CAMK2D: variants seen among roughly 807,000 people sequenced by gnomAD.
CAMK2D encodes the protein calcium/calmodulin-dependent protein kinase type II subunit delta.
CAMK2D carries 37 observed loss-of-function variants against 84.0 expected under a neutral mutation model. That is an observed-to-expected ratio of 0.44 (90% CI 0.34 to 0.58). The LOEUF (loss-of-function observed/expected upper bound fraction) is 0.58. Ranked by LOEUF, CAMK2D falls within the 20% of genes least tolerant of loss-of-function variation. The probability of loss-of-function intolerance (pLI) is 0.02; values close to 1 mark genes in which losing one functional copy is unlikely to be tolerated. For missense variants in CAMK2D, 448 were observed against 652.5 expected, an observed-to-expected ratio of 0.69 and a Z score of 3.41; for synonymous variants, 202 against 212.5, an observed-to-expected ratio of 0.95 and a Z score of 0.43.
intron 13 of CAMK2D, among the ~76,000 whole-genome samples, chr4:113,508,752 A>G (rs1048208705): frequency 5.3e-5 from 8 of 152,226 alleles, no homozygotes; most frequent in Admixed American, 3.9e-4. Context: ...GAGCATGAAC[A>G]TTTAAAGTGA....
At chr4:113,731,894 T>C (rs1049448474) in intron 2 of CAMK2D, among the ~76,000 whole-genome samples, 1 of 152,122 alleles carries the variant, frequency 6.6e-6, no homozygotes, top group Non-Finnish European at 1.5e-5. Flanking sequence ...TATTGCTCTT[T>C]TTATATGGCC....
At chr4:113,630,711 A>G (rs912097693) in intron 3 of CAMK2D, among the ~76,000 whole-genome samples, 6 of 152,148 alleles carry the variant, frequency 3.9e-5, no homozygotes, top group Non-Finnish European at 7.4e-5. Context: ...ATTCACTGAG[A>G]AAAATGGAAA....
At chr4:113,661,542 A>T (rs2099232033) in intron 3 of CAMK2D, among the ~76,000 whole-genome samples, 171 bp downstream of exon 3, 1 of 152,186 alleles carries the variant, frequency 6.6e-6, no homozygotes, top group African/African-American at 2.4e-5. Context: ...CAAAAAACAA[A>T]CAGCAAACAC....
intron 14 of CAMK2D, among the ~76,000 whole-genome samples, chr4:113,504,391 T>A (rs1007223634): frequency 6.6e-6 from 1 of 152,190 alleles, no homozygotes; most frequent in Non-Finnish European, 1.5e-5. Flanking sequence ...ATTCTTTGGA[T>A]TAAAGTGAAA....
At chr4:113,607,122 A>C (rs2098981058) in intron 4 of CAMK2D, among the ~76,000 whole-genome samples, 1 of 152,102 alleles carries the variant, frequency 6.6e-6, no homozygotes, top group African/African-American at 2.4e-5. Flanking sequence ...TCCTAAAAGA[A>C]TGGCTAAAGA....
chr4:113,679,748 T>C (rs2099334688), intron 2 of CAMK2D, among the ~76,000 whole-genome samples: 1 of 152,188 alleles, frequency 6.6e-6, no homozygotes. Flanking sequence ...GCATACAACT[T>C]ACTTTATCAG....
chr4:113,649,528 G>A (rs1292532947), intron 3 of CAMK2D, among the ~76,000 whole-genome samples: 1 of 152,046 alleles, frequency 6.6e-6, no homozygotes, highest in Admixed American at 6.6e-5. Context: ...ACAACTTTAT[G>A]GCAAAATTCT....
intron 2 of CAMK2D, among the ~76,000 whole-genome samples, chr4:113,707,398 A>G (rs1200637777): frequency 6.6e-6 from 1 of 152,198 alleles, no homozygotes; most frequent in Non-Finnish European, 1.5e-5. Flanking sequence ...TGTTCTAGAA[A>G]TATATGGGTT....
chr4:113,507,279 T>G (rs2098140676), intron 13 of CAMK2D, among the ~76,000 whole-genome samples: 1 of 152,052 alleles, frequency 6.6e-6, no homozygotes, highest in Admixed American at 6.6e-5. Context: ...AGATGGAGTT[T>G]CGCTCTTGTT....
At chr4:113,495,894 T>C (rs1192184214) in intron 16 of CAMK2D, among the ~76,000 whole-genome samples, 2 of 152,012 alleles carry the variant, frequency 1.3e-5, no homozygotes, top group African/African-American at 4.8e-5. Flanking sequence ...GTGACAGAAA[T>C]GACACAAGGG....
At chr4:113,562,698 T>C (rs1180696180) in intron 4 of CAMK2D, among the ~76,000 whole-genome samples, 1 of 152,266 alleles carries the variant, frequency 6.6e-6, no homozygotes, top group Non-Finnish European at 1.5e-5. Context: ...ATGTGCTTGA[T>C]TTTAATAATC....
At chr4:113,616,359 C>A (rs2099021120) in intron 3 of CAMK2D, among the ~76,000 whole-genome samples, 1 of 152,104 alleles carries the variant, frequency 6.6e-6, no homozygotes, top group Non-Finnish European at 1.5e-5. Flanking sequence ...CATCCTTATT[C>A]CCAAATCCTC....
intron 4 of CAMK2D, among the ~76,000 whole-genome samples, chr4:113,585,502 T>C (rs910702771): frequency 6.6e-6 from 1 of 152,172 alleles, no homozygotes; most frequent in Non-Finnish European, 1.5e-5. Flanking sequence ...TCTGATTTCA[T>C]AAAATTGTGT....
chr4:113,729,177 C>T (rs72899850), intron 2 of CAMK2D, among the ~76,000 whole-genome samples: 7,987 of 152,174 alleles, frequency 0.052, 705 homozygotes, highest in African/African-American at 0.18. Context: ...TTTCAATAGT[C>T]TCCTAACTAG....
intron 8 of CAMK2D, among the ~76,000 whole-genome samples, chr4:113,530,570 T>C (rs1048222364): frequency 1.8e-4 from 27 of 152,150 alleles, no homozygotes; most frequent in African/African-American, 6.5e-4. Flanking sequence ...TAACTCCTAA[T>C]ATGATGGAAG....
At chr4:113,475,831 T>C (rs1324048650) in intron 16 of CAMK2D, among the ~76,000 whole-genome samples, 1 of 152,190 alleles carries the variant, frequency 6.6e-6, no homozygotes, top group African/African-American at 2.4e-5. Flanking sequence ...GTGCTTTCAT[T>C]ACAAAGTCCA....
intron 16 of CAMK2D, among the ~76,000 whole-genome samples, chr4:113,494,611 C>T (rs1235858451): frequency 1.3e-5 from 2 of 152,220 alleles, no homozygotes; most frequent in African/African-American, 4.8e-5. Context: ...GTGTCCTGCC[C>T]CCAGAGGTGG....
In CAMK2D at chr4:113,485,141, C is replaced by T. The variant is rs190726364; in HGVS notation, c.1135+15322G>A. Among the ~76,000 whole-genome samples the T allele has an allele frequency of 1.9e-3, 285 of 152,258 alleles. 1 individual carries two copies. The highest frequency in any genetic ancestry group is 6.5e-3 in the African/African-American group (268 of 41,550). On this transcript the variant is annotated intron_variant, in intron 16 of 20. Coordinates refer to ENST00000511664, the MANE Select transcript of CAMK2D (RefSeq NM_001321571.2). The stretch of plus-strand genomic sequence containing the variant: ...CTTTTGAAAGACTGGGTTAATAAGA[C>T]CTACTTAACAAATGGAGTTTTTAAT...
rs544704319 is a variant in CAMK2D, at chr4:113,461,693, C to T, written c.1212-1452G>A. On this transcript the variant is annotated intron_variant, in intron 17 of 20. Coordinates refer to ENST00000511664, the MANE Select transcript of CAMK2D (RefSeq NM_001321571.2). The stretch of plus-strand genomic sequence containing the variant: ...TTCACAAGGTAGATCAAATGGAGTA[C>T]AAATCAAAGGATTTTGGACTGTTTA... 3.9e-5 allele frequency among the ~76,000 whole-genome samples: 6 copies of T among 152,248 alleles called. No homozygotes were observed. The South Asian group carries it at 8.3e-4, about 21-fold the overall frequency.
Sources: allele counts gnomAD v4.1 joint callset (sites outside exome capture counted in the v4.1 genomes callset), GRCh38; gene constraint gnomAD v4.1.1; transcripts MANE v1.5; gene names NCBI Gene and HGNC (gene_info 2026-07-23, HGNC 2026-07-21).